TYR: variants seen among roughly 807,000 people sequenced by gnomAD.
The protein encoded by TYR is tyrosinase.
TYR carries 58 observed loss-of-function variants against 51.5 expected under a neutral mutation model. That is an observed-to-expected ratio of 1.13 (90% CI 0.91 to 1.40). TYR has a LOEUF of 1.40. TYR is among the 40% of genes most tolerant of loss of function. TYR has a pLI of 0.00. For missense variants in TYR, 732 were observed against 647.4 expected, an observed-to-expected ratio of 1.13 and a Z score of -1.42; for synonymous variants, 263 against 235.2, an observed-to-expected ratio of 1.12 and a Z score of -1.08.
chr11:89,295,179 T>C lies in TYR; in HGVS notation c.1403T>C (p.Leu468Ser), dbSNP rs1440919316. The change falls in exon 5 of 5, where the codon TTG becomes TCG. Residue 468 changes from leucine to serine, a missense_variant. Physicochemically the swap from Leu to Ser is moderately radical, Grantham distance 145 (BLOSUM62 -2). Coordinates refer to ENST00000263321, the MANE Select transcript of TYR (RefSeq NM_000372.5). Reference sequence around the variant, plus strand: ...TTTCAAGACTACATTAAGTCCTATTTGGAACAAGCGAGTCGGATCTGGTCA... The same window carrying C: ...TTTCAAGACTACATTAAGTCCTATTCGGAACAAGCGAGTCGGATCTGGTCA... ...DSFQDYIKSY[L>S]EQASRIWSWL... The C allele has an allele frequency of 6.2e-7, 1 of 1,613,866 alleles. No individual in the cohort carries two copies. The highest frequency in any genetic ancestry group is 1.3e-5 in the African/African-American group (1 of 74,932).
intron 3 of TYR, among the ~76,000 whole-genome samples, chr11:89,237,912 T>G (rs1012563725): frequency 6.6e-6 from 1 of 152,122 alleles, no homozygotes; most frequent in Non-Finnish European, 1.5e-5. Flanking sequence ...CTTGGCTCAC[T>G]CCCACCTCCA....
chr11:89,280,433 A>G (rs1944707831), intron 3 of TYR, among the ~76,000 whole-genome samples: 1 of 151,498 alleles, frequency 6.6e-6, no homozygotes, highest in Non-Finnish European at 1.5e-5. Flanking sequence ...AATGTTAGTG[A>G]TATATACAAC....
rs190598450 is a variant in TYR, at chr11:89,260,248, T to C, written c.1185-24525T>C. Among the ~76,000 whole-genome samples, 93 of 134,986 alleles carry C rather than the reference T, an allele frequency of 6.9e-4. 1 individual carries two copies. The East Asian group carries it at 0.018, about 26-fold the overall frequency. The allele number at this position is 134,986 out of a possible 152,430, so 88.6% of individuals were successfully genotyped here. ...AGAGTAGCCACTTTGAAGAATAAAA[T>C]GCAAAAAAAAAAAAAAATTAAAAAT... On this transcript the variant is annotated intron_variant, in intron 3 of 4. Transcript: ENST00000263321.
rs144118845 is a variant in TYR at position 89,282,099 on chromosome 11, G to A, written c.1185-2674G>A. 3.3e-3 allele frequency among the ~76,000 whole-genome samples: 507 copies of A among 151,932 alleles called. 3 individuals are homozygous for A. Among genetic ancestry groups the A allele is most frequent in the Non-Finnish European group, 5.5e-3 (370 of 67,820 alleles). ...TTGAAAAGGTTGATGAGGTGGGTGA[G>A]CACATTAATGGTTTCATCCATTAAA... On this transcript the variant is annotated intron_variant, in intron 3 of 4. Transcript: ENST00000263321.
intron 3 of TYR, among the ~76,000 whole-genome samples, chr11:89,255,963 T>C (rs1247638901): frequency 6.6e-6 from 1 of 151,688 alleles, no homozygotes; most frequent in Admixed American, 6.6e-5. Context: ...ACAAAATAAG[T>C]CACATATTTT....
intron 3 of TYR, among the ~76,000 whole-genome samples, chr11:89,242,565 G>C (rs2135292710): frequency 6.6e-6 from 1 of 152,252 alleles, no homozygotes; most frequent in Middle Eastern, 3.4e-3. Flanking sequence ...TTTGGTGAAG[G>C]TGGTCATTTG....
chr11:89,242,818 G>A (rs1272872346), intron 3 of TYR, among the ~76,000 whole-genome samples: 3 of 152,132 alleles, frequency 2.0e-5, no homozygotes, highest in Non-Finnish European at 2.9e-5. Context: ...CAACTCAGAA[G>A]TTATAGAAAT....
intron 2 of TYR, among the ~76,000 whole-genome samples, chr11:89,226,264 T>C (rs12803765): frequency 0.23 from 34,674 of 151,834 alleles, 6,211 homozygotes; most frequent in African/African-American, 0.5. Context: ...CCTTAATGTC[T>C]AATTTGTTAT....
At chr11:89,271,426 A>T (rs2135314906) in intron 3 of TYR, among the ~76,000 whole-genome samples, 1 of 152,100 alleles carries the variant, frequency 6.6e-6, no homozygotes, top group South Asian at 2.1e-4. Flanking sequence ...TTTATGGTGC[A>T]GTAACATTAT....
intron 3 of TYR, among the ~76,000 whole-genome samples, chr11:89,265,887 G>A (rs1419163304): frequency 6.6e-6 from 1 of 151,718 alleles, no homozygotes; most frequent in African/African-American, 2.4e-5. Flanking sequence ...TGGAATAGAG[G>A]ATTAGAAGAG....
intron 3 of TYR, among the ~76,000 whole-genome samples, chr11:89,276,020 G>C (rs1459720111): frequency 7.2e-5 from 11 of 151,780 alleles, no homozygotes; most frequent in Admixed American, 6.6e-5. Context: ...TTGTCATCTG[G>C]GTTAGATTAT....
intron 3 of TYR, among the ~76,000 whole-genome samples, chr11:89,273,715 C>T (rs913474202): frequency 6.6e-6 from 1 of 151,856 alleles, no homozygotes; most frequent in Non-Finnish European, 1.5e-5. Context: ...ATGTGGTATA[C>T]CTGTTCCACA....
At chr11:89,275,872 C>T (rs1161479309) in intron 3 of TYR, among the ~76,000 whole-genome samples, 2 of 151,854 alleles carry the variant, frequency 1.3e-5, no homozygotes, top group African/African-American at 2.4e-5. Flanking sequence ...CTGTTTACAA[C>T]TCCATTTAGG....
intron 3 of TYR, among the ~76,000 whole-genome samples, chr11:89,245,420 T>C (rs1248796749): frequency 6.6e-6 from 1 of 152,174 alleles, no homozygotes; most frequent in Non-Finnish European, 1.5e-5. Flanking sequence ...GGAGGCTTAA[T>C]AGAAGGAAAG....
At position 89,178,457 on chromosome 11, in the gene TYR, C is replaced by A; in HGVS notation, c.504C>A (p.Asn168Lys). The A allele has an allele frequency of 6.2e-7, 1 of 1,614,108 alleles. No homozygotes were observed. Among genetic ancestry groups the A allele is most frequent in the Non-Finnish European group, 8.5e-7 (1 of 1,179,982 alleles). Reference sequence around the variant, plus strand: ...AAAATGGATCAACACCCATGTTTAACGACATCAATATTTATGACCTCTTTG... The same window carrying A: ...AAAATGGATCAACACCCATGTTTAAAGACATCAATATTTATGACCTCTTTG... ...QMKNGSTPMF[N>K]DINIYDLFVW... The change falls in exon 1 of 5, where the codon AAC (asparagine) becomes AAA (lysine). Residue 168 changes from asparagine (N) to lysine (K), a missense_variant. Transcript: ENST00000263321.
chr11:89,181,796 G>A (rs1486201450), intron 1 of TYR, among the ~76,000 whole-genome samples: 5 of 152,202 alleles, frequency 3.3e-5, no homozygotes, highest in Admixed American at 6.5e-5. Flanking sequence ...AAAACCAAGC[G>A]GCTCTGACTG....
chr11:89,211,487 C>A (rs903286654), intron 2 of TYR, among the ~76,000 whole-genome samples: 1 of 152,118 alleles, frequency 6.6e-6, no homozygotes, highest in African/African-American at 2.4e-5. Context: ...AGTTAGACTC[C>A]CATACAATAA....
At position 89,226,169 on chromosome 11, in the gene TYR, A is replaced by G. The variant is rs141294511; in HGVS notation, c.1037-1654A>G. ...TCTATGAAGAACATTGTCCTCAGTG[A>G]CATGATTTATTGCTACATAGCAAAG... is the stretch of plus-strand genomic sequence containing the variant. On this transcript the variant is annotated intron_variant, in intron 2 of 4. Coordinates refer to ENST00000263321, the MANE Select transcript of TYR (RefSeq NM_000372.5). Among the ~76,000 whole-genome samples, 663 of 152,240 alleles carry G rather than the reference A, an allele frequency of 4.4e-3. 4 individuals carry two copies. The highest frequency in any genetic ancestry group is 0.015 in the African/African-American group (632 of 41,570).
chr11:89,197,806 C>A (rs1284051229), intron 2 of TYR, among the ~76,000 whole-genome samples: 2 of 152,000 alleles, frequency 1.3e-5, no homozygotes, highest in Admixed American at 6.6e-5. Flanking sequence ...TGATTTCTAA[C>A]AATTGGTCCT....
Sources: gnomAD v4.1 joint callset for allele counts (sites outside exome capture counted in the v4.1 genomes callset) on GRCh38, gnomAD v4.1.1 for gene constraint, MANE v1.5 for transcripts, NCBI Gene and HGNC (gene_info 2026-07-23, HGNC 2026-07-21) for gene names.